Variants in SLC2A1 observed in about 807,000 individuals in gnomAD.
The protein encoded by SLC2A1 is solute carrier family 2, facilitated glucose transporter member 1.
In SLC2A1, 4 loss-of-function variants were observed where a neutral mutation model predicts 46.6. That is an observed-to-expected ratio of 0.09 (90% CI 0.04 to 0.20). The LOEUF is 0.20. SLC2A1 is among the 10% of genes least tolerant of loss of function. The pLI is 1.00. For synonymous variants in SLC2A1, 253 were observed against 270.0 expected (o/e 0.94, Z 0.62); for missense variants, 352 against 667.0 (o/e 0.53, Z 5.20).
rs1448464718 is a variant in SLC2A1 at position 42,929,894 on chromosome 1, C to T, written c.658G>A (p.Glu220Lys). The change falls in exon 5 of 10, where the codon GAG becomes AAG. Residue 220 changes from glutamate (E) to lysine (K), a missense_variant. Glu to Lys is a moderately conservative substitution (Grantham distance 56, BLOSUM62 1). Coordinates refer to ENST00000426263, the MANE Select transcript of SLC2A1 (RefSeq NM_006516.4). The surrounding 1 kb of genome is among the most constrained non-coding windows in gnomAD (Gnocchi z 6.0). The stretch of plus-strand genomic sequence containing the variant: ...GTACCACTCTTGGCCCGGTTCTCCT[C>T]GTTGCGGTTGATGAGCAGGAAGCGG... The part of the protein sequence containing the change: ...SPRFLLINRN[E>K]ENRAKSVLKK... 2 of 1,614,128 alleles carry T rather than the reference C, an allele frequency of 1.2e-6. No individual in the cohort carries two copies. Among genetic ancestry groups the T allele is most frequent in the South Asian group, 1.1e-5 (1 of 91,072 alleles).
At chr1:42,937,788 G>T (rs1643556632) in intron 2 of SLC2A1, among the ~76,000 whole-genome samples, 1 of 152,142 alleles carries the variant, frequency 6.6e-6, no homozygotes, top group Non-Finnish European at 1.5e-5. Context: ...AGGGGAGAGA[G>T]GACTAGAACT....
At chr1:42,940,674 C>T (rs2124459575) in intron 2 of SLC2A1, among the ~76,000 whole-genome samples, 1 of 152,214 alleles carries the variant, frequency 6.6e-6, no homozygotes, top group Middle Eastern at 3.4e-3. Context: ...TCTTGAACTC[C>T]TGGGCTCAAG....
At chr1:42,940,215 C>T (rs1643583353) in intron 2 of SLC2A1, among the ~76,000 whole-genome samples, 1 of 152,242 alleles carries the variant, frequency 6.6e-6, no homozygotes, top group African/African-American at 2.4e-5. Context: ...TCCACCCTTT[C>T]TCATCTGCCT....
chr1:42,931,458 T>A (rs959900503), intron 2 of SLC2A1, among the ~76,000 whole-genome samples: 1 of 152,176 alleles, frequency 6.6e-6, no homozygotes, highest in African/African-American at 2.4e-5. Context: ...TCCAGTGCCC[T>A]GTGGTTTCAC....
At chr1:42,933,496 G>T (rs841858) in intron 2 of SLC2A1, among the ~76,000 whole-genome samples, 25,334 of 152,144 alleles carry the variant, frequency 0.17, 2,273 homozygotes, top group Middle Eastern at 0.22. Flanking sequence ...ACCTGGTGAG[G>T]AAATGGAGGA....
intron 2 of SLC2A1, among the ~76,000 whole-genome samples, chr1:42,940,295 A>G (rs1643584197): frequency 6.6e-6 from 1 of 152,206 alleles, no homozygotes; most frequent in Admixed American, 6.5e-5. Flanking sequence ...GAGTGGCCAC[A>G]AGGCCACCAT....
chr1:42,958,306 G>A (rs1643802667), intron 1 of SLC2A1, among the ~76,000 whole-genome samples: 1 of 151,234 alleles, frequency 6.6e-6, no homozygotes, highest in Admixed American at 6.6e-5. Context: ...CGTGTGCGAC[G>A]TGCCGCTCCC....
Position 42,927,182 on chromosome 1 carries a change from G to A in SLC2A1, c.1338C>T (p.Ile446=), listed in dbSNP as rs2124445559. The change falls in exon 10 of 10, where the codon ATC becomes ATT. Residue 446 remains isoleucine, a synonymous_variant. Coordinates refer to ENST00000426263, the MANE Select transcript of SLC2A1 (RefSeq NM_006516.4). The surrounding 1 kb of genome is among the most constrained non-coding windows in gnomAD (Gnocchi z 5.3). The part of the protein sequence containing the change: ...IFTVLLVLFF[I]FTYFKVPETK... ...TCTCAGGAACTTTGAAGTAGGTGAA[G>A]ATGAAGAACAGAACCAGGAGCACAG... The A allele has an allele frequency of 5.0e-6, 8 of 1,614,182 alleles. No homozygotes were observed. The highest frequency in any genetic ancestry group is 6.8e-6 in the Non-Finnish European group (8 of 1,180,012).
At chr1:42,956,279 G>A (rs1432191758) in intron 1 of SLC2A1, among the ~76,000 whole-genome samples, 4 of 151,968 alleles carry the variant, frequency 2.6e-5, no homozygotes, top group Non-Finnish European at 5.9e-5. Context: ...CGGGCGTGGT[G>A]GCTCACGCCT....
rs940374334 is a variant in SLC2A1 at position 42,958,511 on chromosome 1, G to A, written c.18+123C>T. 98 of 707,402 alleles carry A rather than the reference G, an allele frequency of 1.4e-4. No individual in the cohort carries two copies. The African/African-American group carries it at 1.6e-3, about 12-fold the overall frequency. The allele number at this position is 707,402 out of a possible 1,614,324, so 43.8% of individuals were successfully genotyped here. A position where few individuals can be genotyped will look rare whatever the true frequency, so the allele number is the denominator to read the frequency against. ...ACCCGCACCGAGCCAGGCTCGGAGAGGCGCGCGGCCCGCCCCGGGCGCACA... is the reference window on the plus strand; with the variant it reads ...ACCCGCACCGAGCCAGGCTCGGAGAAGCGCGCGGCCCGCCCCGGGCGCACA... On this transcript the variant is annotated intron_variant, in intron 1 of 9. Transcript: ENST00000426263.
intron 1 of SLC2A1, among the ~76,000 whole-genome samples, chr1:42,946,759 G>C (rs1643660704): frequency 6.6e-6 from 1 of 152,118 alleles, no homozygotes. Context: ...CATGGCCCCT[G>C]CTCCTCAGTA....
intron 1 of SLC2A1, chr1:42,952,202 G>A (rs1643728423): frequency 2.2e-6 from 1 of 454,958 alleles, no homozygotes; most frequent in South Asian, 2.3e-5. Flanking sequence ...CACATTCTGT[G>A]GCTGGTGGGC....
At chr1:42,944,699 G>A (rs990359712) in intron 1 of SLC2A1, among the ~76,000 whole-genome samples, 18 of 152,182 alleles carry the variant, frequency 1.2e-4, no homozygotes, top group Non-Finnish European at 1.9e-4. Flanking sequence ...AGAAGGCTTC[G>A]GCCCAGGAGG....
At chr1:42,932,379 C>T (rs1643500403) in intron 2 of SLC2A1, among the ~76,000 whole-genome samples, 1 of 152,138 alleles carries the variant, frequency 6.6e-6, no homozygotes, top group Admixed American at 6.5e-5. Flanking sequence ...CCCACCCAGC[C>T]ACACGTATAG....
chr1:42,949,184 G>A (rs1408044469), intron 1 of SLC2A1, among the ~76,000 whole-genome samples: 1 of 152,178 alleles, frequency 6.6e-6, no homozygotes, highest in African/African-American at 2.4e-5. Flanking sequence ...GGAGGCGGAG[G>A]TTGTAGTGAG....
At chr1:42,940,801 G>A (rs115255060) in intron 2 of SLC2A1, among the ~76,000 whole-genome samples, 8,393 of 151,998 alleles carry the variant, frequency 0.055, 782 homozygotes, top group African/African-American at 0.19. Context: ...TTTCTCCACT[G>A]TGTGGATACC....
chr1:42,931,722 G>C (rs897213433), intron 2 of SLC2A1, among the ~76,000 whole-genome samples: 1 of 151,778 alleles, frequency 6.6e-6, no homozygotes, highest in African/African-American at 2.4e-5. Flanking sequence ...CCAGCTACAC[G>C]GGAGGCTAAG....
At chr1:42,945,418 T>G (rs1057511506) in intron 1 of SLC2A1, among the ~76,000 whole-genome samples, 1 of 151,176 alleles carries the variant, frequency 6.6e-6, no homozygotes, top group Non-Finnish European at 1.5e-5. Flanking sequence ...TATTGTATGC[T>G]ACCTTTTGGG....
At position 42,945,747 on chromosome 1, in the gene SLC2A1, A is replaced by AAAAAC. The variant is rs1553157046; in HGVS notation, c.19-2427_19-2426insGTTTT. 3.5e-3 allele frequency among the ~76,000 whole-genome samples: 493 copies of AAAAAC among 139,146 alleles called. 4 individuals carry two copies. Among genetic ancestry groups the AAAAAC allele is most frequent in the Middle Eastern group, 0.01 (3 of 286 alleles). 91.3% of individuals were successfully genotyped at this position (139,146 alleles called of 152,430 possible). ...AGAGCAGACTCTGTCTCAAAAAAAA[A>AAAAAC]AAAAAACAAAAAACAAAAAACAAGA... On this transcript the variant is annotated intron_variant, in intron 1 of 9. Coordinates refer to ENST00000426263, the MANE Select transcript of SLC2A1 (RefSeq NM_006516.4).
Sources: allele counts gnomAD v4.1 joint callset (sites outside exome capture counted in the v4.1 genomes callset), GRCh38; gene constraint gnomAD v4.1.1; non-coding constraint Gnocchi (gnomAD v3.1); transcripts MANE v1.5; gene names NCBI Gene and HGNC (gene_info 2026-07-23, HGNC 2026-07-21).